TTC14: variants seen among roughly 807,000 people sequenced by gnomAD.
The protein encoded by TTC14 is tetratricopeptide repeat protein 14.
TTC14 carries 63 observed loss-of-function variants against 79.9 expected under a neutral mutation model. The ratio of observed to expected loss-of-function variants is 0.79; its 90% CI spans 0.64 to 0.97. The LOEUF is 0.97. Ranked by LOEUF, TTC14 falls within the 50% of genes least tolerant of loss-of-function variation. The pLI is 0.00. For synonymous variants in TTC14, 335 were observed against 309.6 expected (o/e 1.08, Z -0.86); for missense variants, 895 against 894.0 (o/e 1.00, Z -0.01).
In TTC14 at chr3:180,610,025, A is replaced by AT; in HGVS notation, c.1801dup (p.Tyr601LeufsTer2). 1 of 1,614,058 alleles carries AT rather than the reference A, an allele frequency of 6.2e-7. No individual in the cohort carries two copies. Among genetic ancestry groups the AT allele is most frequent in the Non-Finnish European group, 8.5e-7 (1 of 1,179,962 alleles). On this transcript the variant is annotated frameshift_variant, in exon 12 of 12. Coordinates refer to ENST00000296015, the MANE Select transcript of TTC14 (RefSeq NM_133462.4). LOFTEE classifies it high-confidence loss of function. ...GGAGGTAGGTCTGAAGATCCAAGAGATTTTTATAACAGCTATAAAACCCAA... is the reference window on the plus strand; with the variant it reads ...GGAGGTAGGTCTGAAGATCCAAGAGATTTTTTATAACAGCTATAAAACCCAA...
At position 180,610,545 on chromosome 3, in the gene TTC14, C is replaced by A. The variant is rs1374023677; in HGVS notation, c.*3C>A. 6.4e-7 allele frequency: 1 copy of A among 1,557,656 alleles called. No individual in the cohort carries two copies. The highest frequency in any genetic ancestry group is 2.2e-5 in the East Asian group (1 of 44,618). ...AAGGAAATAAGTCAAAAAATTAATA[C>A]ACCAAGGATATCGGCACCATTACAC... On this transcript the variant is annotated 3_prime_UTR_variant, in exon 12 of 12. Transcript: ENST00000296015.
chr3:180,605,093 C>T, intron 6 of TTC14, 86 bp downstream of exon 6: 1 of 1,356,824 alleles, frequency 7.4e-7, no homozygotes. Flanking sequence ...CGTATTTTAC[C>T]ATCCTAAGCC....
chr3:180,614,823 T>C (rs957105046), downstream of TTC14: 4 of 1,131,320 alleles, frequency 3.5e-6, no homozygotes, highest in African/African-American at 6.4e-5. Flanking sequence ...CACTAAGTTT[T>C]TACACTTTCC....
At chr3:180,617,906 A>G (rs1356013347), downstream of TTC14, 1 of 155,092 alleles carries the variant, frequency 6.4e-6, no homozygotes, top group East Asian at 1.9e-4. Flanking sequence ...CCACTCACTC[A>G]CTCAGTCACT....
At chr3:180,613,107 A>G (rs555464142), downstream of TTC14, among the ~76,000 whole-genome samples, 3 of 152,298 alleles carry the variant, frequency 2.0e-5, no homozygotes, top group South Asian at 4.1e-4. Context: ...AGGCTGCCTG[A>G]ATTTATTAGG....
At chr3:180,611,211 A>G, downstream of TTC14, 2 of 962,842 alleles carry the variant, frequency 2.1e-6, no homozygotes, top group South Asian at 9.6e-5. Flanking sequence ...TTTCTCCATT[A>G]TTTTTTACCT....
intron 11 of TTC14, chr3:180,609,236 G>C: frequency 2.8e-6 from 2 of 722,354 alleles, no homozygotes; most frequent in Non-Finnish European, 3.4e-6. Context: ...TAATGCACAG[G>C]TCAGCTCCCA....
chr3:180,603,040 A>G, intron 2 of TTC14, 25 bp downstream of exon 2: 11 of 1,610,050 alleles, frequency 6.8e-6, no homozygotes, highest in Non-Finnish European at 9.3e-6. Context: ...AAAATCTTTA[A>G]GATTGCGGTT....
intron 6 of TTC14, 88 bp downstream of exon 6, chr3:180,605,095 T>C: frequency 7.3e-7 from 1 of 1,361,634 alleles, no homozygotes; most frequent in Non-Finnish European, 9.9e-7. Context: ...TATTTTACCA[T>C]CCTAAGCCAC....
At position 180,602,224 on chromosome 3, in the gene TTC14, A is replaced by G. The variant is rs777553246; in HGVS notation, c.-38A>G. Reference sequence around the variant, plus strand: ...AGTAGCGGACACGGAACAGGGAACTATCAGCCCGTCGGCCTCCGGGCCCTG... The same window carrying G: ...AGTAGCGGACACGGAACAGGGAACTGTCAGCCCGTCGGCCTCCGGGCCCTG... On this transcript the variant is annotated 5_prime_UTR_variant, in exon 1 of 12. Coordinates refer to ENST00000296015, the MANE Select transcript of TTC14 (RefSeq NM_133462.4). 1.6e-5 allele frequency: 25 copies of G among 1,609,014 alleles called. No homozygotes were observed. The highest frequency in any genetic ancestry group is 7.6e-6 in the Non-Finnish European group (9 of 1,177,648).
At chr3:180,608,944 G>T in intron 11 of TTC14, 134 bp downstream of exon 11, 6 of 1,224,262 alleles carry the variant, frequency 4.9e-6, no homozygotes, top group Non-Finnish European at 6.2e-6. Flanking sequence ...AGAATCTTTA[G>T]CAAATATGTG....
chr3:180,606,253 T>C lies in TTC14; in HGVS notation c.930T>C (p.Cys310=), dbSNP rs1716676344. The C allele has an allele frequency of 3.1e-6, 5 of 1,613,670 alleles. No individual in the cohort carries two copies. The highest frequency in any genetic ancestry group is 3.3e-5 in the Admixed American group (2 of 59,898). ...GATGCTTTACAAATGTCTTTTTTAGTGTGAAGATCGGAGTTGACTATTTTA... is the reference window on the plus strand; with the variant it reads ...GATGCTTTACAAATGTCTTTTTTAGCGTGAAGATCGGAGTTGACTATTTTA... ...KKQSASWALK[C]VKIGVDYFKV... Residue 310 remains cysteine, a splice_region_variant and synonymous_variant, in exon 8 of 12, where the codon TGT becomes TGC. Transcript: ENST00000296015.
At chr3:180,611,208 A>G (rs935311023), downstream of TTC14, 4 of 972,974 alleles carry the variant, frequency 4.1e-6, no homozygotes, top group Non-Finnish European at 4.9e-6. Context: ...TTATTTCTCC[A>G]TTATTTTTTA....
chr3:180,606,471 A>C lies in TTC14; in HGVS notation c.1050-10A>C, dbSNP rs1473558164. 6.2e-7 allele frequency: 1 copy of C among 1,613,282 alleles called. No individual in the cohort carries two copies. The highest frequency in any genetic ancestry group is 8.5e-7 in the Non-Finnish European group (1 of 1,179,792). On this transcript the variant is annotated splice_polypyrimidine_tract_variant and intron_variant, in intron 8 of 11. Coordinates refer to ENST00000296015, the MANE Select transcript of TTC14 (RefSeq NM_133462.4). ...AGATACAGCCCTCTATCTTTGTTTC[A>C]TGTCTCTAGATATGCGACAAAAGGA...
chr3:180,614,961 C>T, downstream of TTC14: 1 of 1,566,352 alleles, frequency 6.4e-7, no homozygotes, highest in East Asian at 2.3e-5. Flanking sequence ...ACTAGAGCTA[C>T]TACTAGCACT....
rs779315609 is a variant in TTC14 at position 180,610,529 on chromosome 3, A to C, written c.2300A>C (p.Lys767Thr). ...IAEFEKEKGN[K>T]SKN ...GAATTTGAAAAAGAAAAAGGAAATA[A>C]GTCAAAAAATTAATACACCAAGGAT... Residue 767 changes from lysine (K) to threonine (T), a missense_variant, in exon 12 of 12, where the codon AAG becomes ACG. Transcript: ENST00000296015. The C allele has an allele frequency of 6.4e-7, 1 of 1,571,274 alleles. No individual in the cohort carries two copies. The highest frequency in any genetic ancestry group is 1.4e-5 in the African/African-American group (1 of 72,506).
chr3:180,610,046 C>T lies in TTC14; in HGVS notation c.1817C>T (p.Thr606Ile), dbSNP rs757866514. The T allele has an allele frequency of 4.3e-6, 7 of 1,613,964 alleles. No homozygotes were observed. The highest frequency in any genetic ancestry group is 5.9e-6 in the Non-Finnish European group (7 of 1,179,926). The change falls in exon 12 of 12, where the codon ACC (threonine) becomes ATC (isoleucine). Residue 606 changes from threonine to isoleucine, a missense_variant. Thr to Ile is a moderately conservative substitution (Grantham distance 89). Coordinates refer to ENST00000296015, the MANE Select transcript of TTC14 (RefSeq NM_133462.4). ...AGAGATTTTTATAACAGCTATAAAA[C>T]CCAAGCAGGTAGTAGCAAAACAGAA... ...DPRDFYNSYK[T>I]QAGSSKTEKP... is the part of the protein sequence containing the mutation.
rs749082960 is a variant in TTC14, at chr3:180,606,325, G to A, written c.1002G>A (p.Leu334=). The A allele has an allele frequency of 6.2e-7, 1 of 1,613,998 alleles. No homozygotes were observed. The highest frequency in any genetic ancestry group is 8.5e-7 in the Non-Finnish European group (1 of 1,179,954). The part of the protein sequence containing the change: ...VDAMNEYNKA[L]EIDKQNVEAL... ...CTATGAATGAATACAATAAAGCTTT[G>A]GAAATAGACAAACAAAACGTGGAAG... Residue 334 remains leucine (L), a synonymous_variant, in exon 8 of 12, where the codon TTG becomes TTA. Coordinates refer to ENST00000296015, the MANE Select transcript of TTC14 (RefSeq NM_133462.4).
Position 180,610,979 on chromosome 3 carries a change from AT to A in TTC14, c.*438del. 1.1e-6 allele frequency: 1 copy of A among 946,150 alleles called. No individual in the cohort carries two copies. 58.6% of individuals were successfully genotyped at this position (946,150 alleles called of 1,614,324 possible). A position where few individuals can be genotyped will look rare whatever the true frequency, so the allele number is the denominator to read the frequency against. ...AAAAATCGTCAGCTTTTGAAAGATT[AT>A]ATGTTCGAATGTTTCTTGAACACTT... is the stretch of plus-strand genomic sequence containing the variant. On this transcript the variant is annotated 3_prime_UTR_variant, in exon 12 of 12. Coordinates refer to ENST00000296015, the MANE Select transcript of TTC14 (RefSeq NM_133462.4).
Sources: gnomAD v4.1 joint callset for allele counts (sites outside exome capture counted in the v4.1 genomes callset) on GRCh38, gnomAD v4.1.1 for gene constraint, MANE v1.5 for transcripts, NCBI Gene and HGNC (gene_info 2026-07-23, HGNC 2026-07-21) for gene names.